Variants in CPEB1 observed in about 807,000 individuals in gnomAD.
The protein encoded by CPEB1 is cytoplasmic polyadenylation element binding protein 1.
In CPEB1, 7 loss-of-function variants were observed where a neutral mutation model predicts 65.8. The ratio of observed to expected loss-of-function variants is 0.11; its 90% CI spans 0.06 to 0.20. The LOEUF is 0.20. CPEB1 is among the 10% of genes least tolerant of loss of function. The pLI, the probability that CPEB1 is intolerant of heterozygous loss-of-function variation, is 1.00. For missense variants in CPEB1, 551 were observed against 712.2 expected (o/e 0.77, Z 2.58); for synonymous variants, 262 against 260.0 (o/e 1.01, Z -0.08).
In CPEB1 at chr15:82,604,966, G is replaced by A. The variant is rs376928085; in HGVS notation, c.271+22227C>T. Among the ~76,000 whole-genome samples the A allele has an allele frequency of 1.9e-3, 290 of 152,246 alleles. 9 individuals carry two copies. The South Asian group carries it at 0.057, about 30-fold the overall frequency. On this transcript the variant is annotated intron_variant, in intron 3 of 12. Coordinates refer to ENST00000684509, the MANE Select transcript of CPEB1 (RefSeq NM_001365242.1). ...AAGACACATTAAATGGTCAAAAGCC[G>A]GAGACATAGAAAGGGCAAAACTGCA...
chr15:82,551,756 A>G (rs1279868650), intron 9 of CPEB1, among the ~76,000 whole-genome samples: 2 of 152,222 alleles, frequency 1.3e-5, no homozygotes, highest in African/African-American at 2.4e-5. Context: ...TTGCTTTGAC[A>G]AGTGGTTCTC....
At chr15:82,595,967 G>A (rs1003527663) in intron 3 of CPEB1, among the ~76,000 whole-genome samples, 1 of 152,134 alleles carries the variant, frequency 6.6e-6, no homozygotes, top group Non-Finnish European at 1.5e-5. Context: ...AAACTAGAGG[G>A]GGCCGAGGGA....
At chr15:82,572,038 CGCCGACAGCAGAGCCAAAGCA>C (rs1244172137) in intron 3 of CPEB1, 2 of 174,390 alleles carry the variant, frequency 1.1e-5, no homozygotes, top group Admixed American at 6.5e-5. Context: ...AAGTCCTCTC[CGCCGACAGCAGAGCCAAAGCA>C]GCCGACTGCC....
intron 1 of CPEB1, among the ~76,000 whole-genome samples, chr15:82,646,234 C>G (rs766434057): frequency 6.6e-6 from 1 of 152,202 alleles, no homozygotes; most frequent in African/African-American, 2.4e-5. Context: ...AGCAAGGGAC[C>G]GCACCGTCAC....
At chr15:82,553,202 T>G (rs2036578168) in intron 8 of CPEB1, among the ~76,000 whole-genome samples, 1 of 152,056 alleles carries the variant, frequency 6.6e-6, no homozygotes, top group Admixed American at 6.6e-5. Context: ...GGGTTCAGGT[T>G]TAGAGAGAAG....
intron 3 of CPEB1, among the ~76,000 whole-genome samples, chr15:82,572,278 C>T (rs1027367364): frequency 6.6e-6 from 1 of 152,212 alleles, no homozygotes; most frequent in Non-Finnish European, 1.5e-5. Flanking sequence ...GTGTTTACCA[C>T]TGAGGAACAA....
intron 1 of CPEB1, chr15:82,629,436 A>G (rs2046052495): frequency 1.0e-6 from 1 of 981,094 alleles, no homozygotes; most frequent in Admixed American, 6.2e-5. Flanking sequence ...TTACCGAATG[A>G]AAAAAGAACT....
intron 4 of CPEB1, among the ~76,000 whole-genome samples, chr15:82,567,092 T>C (rs75846354): frequency 0.015 from 2,214 of 152,252 alleles, 46 homozygotes; most frequent in African/African-American, 0.049. Flanking sequence ...GGGAATATAG[T>C]ATTGGAGAAC....
At position 82,627,381 on chromosome 15, in the gene CPEB1, A is replaced by T; in HGVS notation, c.97-14T>A. 1 of 1,595,992 alleles carries T rather than the reference A, an allele frequency of 6.3e-7. No homozygotes were observed. The highest frequency in any genetic ancestry group is 1.1e-5 in the South Asian group (1 of 87,750). On this transcript the variant is annotated splice_polypyrimidine_tract_variant and intron_variant, in intron 2 of 12. Coordinates refer to ENST00000684509, the MANE Select transcript of CPEB1 (RefSeq NM_001365242.1). ...TGCTTCTTCTTCCTAGACACAGAAA[A>T]AAAAAGATATTTAGGTTTTCTACAC...
intron 1 of CPEB1, among the ~76,000 whole-genome samples, chr15:82,640,436 T>C (rs1475058391): frequency 6.6e-6 from 1 of 152,184 alleles, no homozygotes; most frequent in East Asian, 1.9e-4. Flanking sequence ...CTTAAAATTC[T>C]AGCAATACTG....
chr15:82,573,068 G>A, intron 3 of CPEB1: 3 of 1,535,582 alleles, frequency 2.0e-6, no homozygotes, highest in African/African-American at 2.7e-5. Flanking sequence ...GCAAGGAGAA[G>A]CAAGCAGATA....
At chr15:82,571,305 C>A in intron 4 of CPEB1, 39 bp downstream of exon 4, 1 of 1,584,260 alleles carries the variant, frequency 6.3e-7, no homozygotes, top group Non-Finnish European at 8.6e-7. Context: ...CACCCCCATG[C>A]ATCCCCTTAC....
At chr15:82,557,625 C>T in intron 5 of CPEB1, 135 bp downstream of exon 5, 1 of 709,204 alleles carries the variant, frequency 1.4e-6, no homozygotes, top group South Asian at 1.8e-5. Context: ...ACAATAATCT[C>T]CACTCCTCCC....
intron 3 of CPEB1, among the ~76,000 whole-genome samples, chr15:82,614,033 AG>A: frequency 6.6e-6 from 1 of 151,852 alleles, no homozygotes. Flanking sequence ...ACCGGGAGAG[AG>A]ACACACACCC....
chr15:82,617,673 C>A lies in CPEB1; in HGVS notation c.271+9520G>T, dbSNP rs187719497. ...ATTAGGTACAGGATATACAGGAATT[C>A]TCTATGCTAGCTTTGTAACTTTTCT... On this transcript the variant is annotated intron_variant, in intron 3 of 12. Transcript: ENST00000684509. Among the ~76,000 whole-genome samples the A allele has an allele frequency of 1.9e-4, 28 of 148,298 alleles. No homozygotes were observed. The East Asian group carries it at 5.3e-3, about 28-fold the overall frequency.
intron 3 of CPEB1, among the ~76,000 whole-genome samples, chr15:82,599,579 G>A (rs990287339): frequency 6.6e-6 from 1 of 152,000 alleles, no homozygotes; most frequent in African/African-American, 2.4e-5. Flanking sequence ...CCTCAAAAAA[G>A]CAAAATACCA....
intron 6 of CPEB1, 56 bp downstream of exon 6, chr15:82,555,814 C>T: frequency 1.3e-6 from 2 of 1,570,274 alleles, no homozygotes; most frequent in Non-Finnish European, 1.7e-6. Flanking sequence ...AAGGTCACTT[C>T]CTCTCTGCTC....
intron 4 of CPEB1, among the ~76,000 whole-genome samples, chr15:82,568,477 C>T (rs948387300): frequency 2.5e-4 from 38 of 152,200 alleles, no homozygotes; most frequent in Non-Finnish European, 5.9e-5. Context: ...AGGGTAGGCA[C>T]AGTCTAGAAG....
chr15:82,563,507 T>G (rs1477735607), intron 4 of CPEB1, among the ~76,000 whole-genome samples: 1 of 148,604 alleles, frequency 6.7e-6, no homozygotes, highest in Non-Finnish European at 1.5e-5. Context: ...TGACTAATTT[T>G]TTTTTTTTTT....
Sources: gnomAD v4.1 joint callset for allele counts (sites outside exome capture counted in the v4.1 genomes callset) on GRCh38, gnomAD v4.1.1 for gene constraint, MANE v1.5 for transcripts, NCBI Gene and HGNC (gene_info 2026-07-23, HGNC 2026-07-21) for gene names.